GSK3B: variants seen among roughly 807,000 people sequenced by gnomAD.
GSK3B encodes glycogen synthase kinase-3 beta.
Under a neutral mutation model 56.4 loss-of-function variants are expected in GSK3B, and 15 were observed. The ratio of observed to expected loss-of-function variants is 0.27; its 90% CI spans 0.18 to 0.41. The LOEUF (loss-of-function observed/expected upper bound fraction) is 0.41. Among genes scored for constraint, GSK3B ranks in the 10% least tolerant of loss-of-function variants. The probability of loss-of-function intolerance (pLI) is 1.00; values close to 1 mark genes in which losing one functional copy is unlikely to be tolerated. For synonymous variants in GSK3B, 181 were observed against 188.9 expected, an observed-to-expected ratio of 0.96 and a Z score of 0.34; for missense variants, 300 against 513.4, an observed-to-expected ratio of 0.58 and a Z score of 4.02.
At chr3:119,898,791 A>G (rs2108073583) in intron 7 of GSK3B, among the ~76,000 whole-genome samples, 2 of 152,304 alleles carry the variant, frequency 1.3e-5, no homozygotes, top group South Asian at 4.1e-4. Flanking sequence ...TTTCCTATAC[A>G]TACATACCTA....
intron 10 of GSK3B, among the ~76,000 whole-genome samples, chr3:119,831,838 A>G (rs186418200): frequency 3.9e-4 from 59 of 152,306 alleles, no homozygotes; most frequent in African/African-American, 1.3e-3. Flanking sequence ...TCACCTGTCT[A>G]ATGCTACTAT....
In GSK3B at chr3:119,947,304, G is replaced by A. The variant is rs201146011; in HGVS notation, c.330C>T (p.Val110=). The A allele has an allele frequency of 1.9e-6, 3 of 1,604,516 alleles. No homozygotes were observed. The highest frequency in any genetic ancestry group is 2.6e-6 in the Non-Finnish European group (3 of 1,171,704). The part of the protein sequence containing the change: ...IMRKLDHCNI[V]RLRYFFYSSG... ...TGGAGTAGAAGAAATAACGCAATCG[G>A]ACTATGTTACAGTGATCTAGCTTTC... Residue 110 remains valine (V), a synonymous_variant, in exon 3 of 11, where the codon GTC becomes GTT. Coordinates refer to ENST00000264235, the MANE Select transcript of GSK3B (RefSeq NM_001146156.2).
intron 1 of GSK3B, chr3:120,029,759 G>T (rs2057959452): frequency 3.6e-6 from 2 of 555,600 alleles, no homozygotes; most frequent in Admixed American, 3.8e-5. Flanking sequence ...TTGGAATATG[G>T]TATGTTACTT....
In GSK3B at chr3:119,822,877, T is replaced by G. The variant is rs185949833; in HGVS notation, c.*3911A>C. ...AAACTTCCTTTGGAAGATTCCAAAGTTAAATCCTTTAAAAAGGAAAGGGAA... is the reference window on the plus strand; with the variant it reads ...AAACTTCCTTTGGAAGATTCCAAAGGTAAATCCTTTAAAAAGGAAAGGGAA... On this transcript the variant is annotated 3_prime_UTR_variant, in exon 11 of 11. Transcript: ENST00000264235. The G allele has an allele frequency of 1.5e-4, 34 of 228,072 alleles. No homozygotes were observed. Among genetic ancestry groups the G allele is most frequent in the Admixed American group, 5.7e-4 (10 of 17,652 alleles). 14.1% of individuals were successfully genotyped at this position (228,072 alleles called of 1,614,324 possible).
At chr3:120,024,968 A>C (rs1396407866) in intron 1 of GSK3B, among the ~76,000 whole-genome samples, 4 of 152,228 alleles carry the variant, frequency 2.6e-5, no homozygotes, top group Non-Finnish European at 5.9e-5. Context: ...CAGAATAAGC[A>C]AATCTATAGA....
At chr3:119,965,886 C>T (rs1359746823) in intron 2 of GSK3B, among the ~76,000 whole-genome samples, 4 of 151,626 alleles carry the variant, frequency 2.6e-5, no homozygotes, top group Non-Finnish European at 5.9e-5. Flanking sequence ...TCAATAAAGC[C>T]CTAGAAATTC....
At chr3:119,857,430 C>A (rs908440999) in intron 9 of GSK3B, among the ~76,000 whole-genome samples, 1 of 152,198 alleles carries the variant, frequency 6.6e-6, no homozygotes. Context: ...GCAGCTTCAC[C>A]AGAAGCAGAT....
rs559385135 is a variant in GSK3B at position 119,989,250 on chromosome 3, G to T, written c.282+12796C>A. ...GGTAATTAAAATGGTACCTGTTACA[G>T]GAATCAACTCCTAAATACATCACAC... On this transcript the variant is annotated intron_variant, in intron 2 of 10. Transcript: ENST00000264235. Among the ~76,000 whole-genome samples the T allele has an allele frequency of 5.3e-5, 8 of 152,250 alleles. No homozygotes were observed. In the South Asian group the frequency reaches 1.0e-3, roughly 20 times the overall value.
At chr3:119,868,816 A>AT in intron 8 of GSK3B, among the ~76,000 whole-genome samples, 1 of 152,318 alleles carries the variant, frequency 6.6e-6, no homozygotes, top group East Asian at 1.9e-4. Flanking sequence ...TAAACCATGA[A>AT]TACTCCTAAA....
intron 6 of GSK3B, among the ~76,000 whole-genome samples, chr3:119,910,830 G>A (rs1335667487): frequency 2.0e-5 from 3 of 152,248 alleles, no homozygotes; most frequent in Non-Finnish European, 2.9e-5. Context: ...TATTCACAGC[G>A]TCTTAACCAC....
chr3:119,906,467 T>C (rs1559831266), intron 6 of GSK3B, among the ~76,000 whole-genome samples: 1 of 152,060 alleles, frequency 6.6e-6, no homozygotes, highest in Non-Finnish European at 1.5e-5. Context: ...AAAACCTCAA[T>C]CCGGAGAGAA....
intron 2 of GSK3B, among the ~76,000 whole-genome samples, chr3:119,948,497 A>G (rs2057122959): frequency 6.6e-6 from 1 of 152,212 alleles, no homozygotes; most frequent in Admixed American, 6.5e-5. Context: ...CTTGTTAGTA[A>G]AAGTAACGGA....
intron 2 of GSK3B, among the ~76,000 whole-genome samples, chr3:119,956,258 C>T (rs552365490): frequency 3.9e-5 from 6 of 152,252 alleles, no homozygotes; most frequent in South Asian, 2.1e-4. Context: ...CATTTTGAAA[C>T]GACTCAGGGA....
chr3:119,958,291 C>T (rs2057235728), intron 2 of GSK3B, among the ~76,000 whole-genome samples: 1 of 150,422 alleles, frequency 6.6e-6, no homozygotes, highest in East Asian at 2.0e-4. Context: ...ATTACCCCGT[C>T]TCAAGGAGTA....
intron 2 of GSK3B, among the ~76,000 whole-genome samples, chr3:119,991,498 T>A (rs1384668007): frequency 6.8e-6 from 1 of 146,702 alleles, no homozygotes; most frequent in African/African-American, 2.6e-5. Flanking sequence ...ATCTCTCATC[T>A]TTACTATTCA....
At chr3:120,081,706 G>A (rs1045417579) in intron 1 of GSK3B, among the ~76,000 whole-genome samples, 10 of 152,116 alleles carry the variant, frequency 6.6e-5, no homozygotes, top group African/African-American at 2.4e-4. Context: ...TGTACTAAGT[G>A]ACCCAATACA....
At chr3:119,869,221 C>A (rs376254023) in intron 8 of GSK3B, among the ~76,000 whole-genome samples, 1 of 290 alleles carries the variant, frequency 3.4e-3, no homozygotes, top group African/African-American at 0.012. Context: ...AAGATTCCAT[C>A]TCAAAAAAAA....
intron 2 of GSK3B, among the ~76,000 whole-genome samples, chr3:119,981,918 C>A (rs1418323561): frequency 6.6e-6 from 1 of 152,218 alleles, no homozygotes; most frequent in Non-Finnish European, 1.5e-5. Context: ...CCCGTATAGC[C>A]TAACTGGGAG....
At chr3:119,854,488 G>A (rs982756135) in intron 9 of GSK3B, among the ~76,000 whole-genome samples, 4 of 152,316 alleles carry the variant, frequency 2.6e-5, no homozygotes, top group Middle Eastern at 3.4e-3. Context: ...AGTTTCAGAA[G>A]GAATGGTACC....
Sources: gnomAD v4.1 joint callset for allele counts (sites outside exome capture counted in the v4.1 genomes callset) on GRCh38, gnomAD v4.1.1 for gene constraint, MANE v1.5 for transcripts, NCBI Gene and HGNC (gene_info 2026-07-23, HGNC 2026-07-21) for gene names.